The following SPAG1 variants were observed in gnomAD, a reference collection of about 807,000 sequenced individuals.
SPAG1 encodes sperm-associated antigen 1.
Under a neutral mutation model 100.5 loss-of-function variants are expected in SPAG1, and 69 were observed. The ratio of observed to expected loss-of-function variants is 0.69; its 90% confidence interval spans 0.57 to 0.84. The LOEUF (loss-of-function observed/expected upper bound fraction) is 0.84, where lower values mean the gene tolerates loss of function less well. Ranked by LOEUF, SPAG1 falls within the 40% of genes least tolerant of loss-of-function variation. The pLI is 0.00. For missense variants in SPAG1, 955 were observed against 1,133.1 expected (o/e 0.84, Z 2.26); for synonymous variants, 336 against 411.6 (o/e 0.82, Z 2.22).
At chr8:100,198,020 A>C (rs915577345) in intron 10 of SPAG1, among the ~76,000 whole-genome samples, 2 of 152,172 alleles carry the variant, frequency 1.3e-5, no homozygotes, top group Non-Finnish European at 2.9e-5. Context: ...AGAAGGAAGA[A>C]GTGGCCATTA....
At chr8:100,228,792 A>C (rs1335310804) in intron 14 of SPAG1, among the ~76,000 whole-genome samples, 1 of 152,176 alleles carries the variant, frequency 6.6e-6, no homozygotes, top group Non-Finnish European at 1.5e-5. Context: ...GTATATTTTA[A>C]ATTTTAATTT....
At chr8:100,189,246 T>C (rs934774328) in intron 8 of SPAG1, among the ~76,000 whole-genome samples, 1 of 148,132 alleles carries the variant, frequency 6.8e-6, no homozygotes, top group Admixed American at 6.7e-5. Flanking sequence ...GAGGCTGAGG[T>C]GGGTGGATCA....
chr8:100,221,857 C>T (rs1466826808), intron 13 of SPAG1, among the ~76,000 whole-genome samples: 4 of 152,246 alleles, frequency 2.6e-5, no homozygotes, highest in Non-Finnish European at 4.4e-5. Context: ...ACCTTACCTT[C>T]CCATGTGGTC....
intron 10 of SPAG1, among the ~76,000 whole-genome samples, chr8:100,198,390 G>T (rs1817124677): frequency 6.6e-6 from 1 of 151,990 alleles, no homozygotes; most frequent in Non-Finnish European, 1.5e-5. Context: ...GATGGCAAAG[G>T]GTTGATAACC....
intron 3 of SPAG1, among the ~76,000 whole-genome samples, chr8:100,171,362 A>G (rs1255807148): frequency 6.6e-6 from 1 of 152,092 alleles, no homozygotes; most frequent in Non-Finnish European, 1.5e-5. Flanking sequence ...TCATAAGAGG[A>G]GTTGGGAAGT....
At chr8:100,166,509 G>A (rs1279082715) in intron 3 of SPAG1, among the ~76,000 whole-genome samples, 2 of 151,652 alleles carry the variant, frequency 1.3e-5, no homozygotes, top group Admixed American at 6.6e-5. Context: ...CACCCACCTC[G>A]GCCTCCCAAA....
At chr8:100,186,758 G>C (rs937913506) in intron 7 of SPAG1, among the ~76,000 whole-genome samples, 3 of 152,076 alleles carry the variant, frequency 2.0e-5, no homozygotes, top group East Asian at 1.9e-4. Context: ...GTGCTAGCAG[G>C]GTTGGTTTTT....
At chr8:100,238,020 A>G (rs370368685) in intron 16 of SPAG1, among the ~76,000 whole-genome samples, 1 of 152,174 alleles carries the variant, frequency 6.6e-6, no homozygotes, top group African/African-American at 2.4e-5. Context: ...ATAGAAGTTA[A>G]TATTTGTAGG....
chr8:100,218,533 T>C (rs1293206667), intron 12 of SPAG1, among the ~76,000 whole-genome samples: 1 of 152,270 alleles, frequency 6.6e-6, no homozygotes, highest in Non-Finnish European at 1.5e-5. Flanking sequence ...CAGATCCTGA[T>C]GCCCACAGAT....
intron 16 of SPAG1, among the ~76,000 whole-genome samples, chr8:100,234,919 A>T (rs887144483): frequency 6.6e-6 from 1 of 152,136 alleles, no homozygotes; most frequent in East Asian, 1.9e-4. Flanking sequence ...TGGAAGGTTG[A>T]TAAGAGGGGC....
chr8:100,168,911 T>A (rs534567179), intron 3 of SPAG1, among the ~76,000 whole-genome samples: 3 of 151,966 alleles, frequency 2.0e-5, no homozygotes, highest in African/African-American at 7.2e-5. Flanking sequence ...GGTCTCGAAC[T>A]CCCAACCTCA....
intron 13 of SPAG1, among the ~76,000 whole-genome samples, chr8:100,220,722 A>G (rs570578673): frequency 3.3e-4 from 51 of 152,262 alleles, no homozygotes; most frequent in African/African-American, 1.2e-3. Flanking sequence ...GATATAACTC[A>G]TATGTGCTGC....
At chr8:100,236,554 G>C (rs1819016240) in intron 16 of SPAG1, among the ~76,000 whole-genome samples, 1 of 152,238 alleles carries the variant, frequency 6.6e-6, no homozygotes, top group Non-Finnish European at 1.5e-5. Context: ...GGGGCTCACG[G>C]TGGCAGGTGT....
chr8:100,161,696 A>G (rs1419175362), intron 1 of SPAG1, among the ~76,000 whole-genome samples: 1 of 152,230 alleles, frequency 6.6e-6, no homozygotes, highest in African/African-American at 2.4e-5. Flanking sequence ...ATTTAGCAGG[A>G]GACAAGATAA....
At chr8:100,222,177 G>T (rs1428024408) in intron 13 of SPAG1, among the ~76,000 whole-genome samples, 2 of 152,166 alleles carry the variant, frequency 1.3e-5, no homozygotes, top group Admixed American at 1.3e-4. Context: ...TATCAGGAGA[G>T]GACTTGCCTC....
intron 4 of SPAG1, among the ~76,000 whole-genome samples, chr8:100,181,024 T>C (rs1430368640): frequency 3.3e-5 from 5 of 152,218 alleles, no homozygotes; most frequent in Admixed American, 3.3e-4. Flanking sequence ...TAATGTAGCA[T>C]ATAATGGATT....
At chr8:100,180,274 G>A (rs1445038664) in intron 4 of SPAG1, among the ~76,000 whole-genome samples, 2 of 152,132 alleles carry the variant, frequency 1.3e-5, no homozygotes, top group East Asian at 1.9e-4. Context: ...AGTGGTCAAG[G>A]CTGCAGTGAG....
At chr8:100,233,294 C>T (rs764136818) in intron 15 of SPAG1, 117 bp from the exon 16 acceptor site, 9 of 1,111,710 alleles carry the variant, frequency 8.1e-6, no homozygotes, top group African/African-American at 3.1e-5. Context: ...CAATGGAAAC[C>T]GCAGTGGTAT....
chr8:100,176,070 C>T (rs1000907028), intron 3 of SPAG1, among the ~76,000 whole-genome samples: 25 of 152,136 alleles, frequency 1.6e-4, no homozygotes, highest in African/African-American at 6.0e-4. Context: ...AAGAATACAG[C>T]ACTTTTGTCT....
Sources: allele counts gnomAD v4.1 joint callset (sites outside exome capture counted in the v4.1 genomes callset), GRCh38; gene constraint gnomAD v4.1.1; transcripts MANE v1.5; gene names NCBI Gene and HGNC (gene_info 2026-07-23, HGNC 2026-07-21).